The following PHACTR3 variants were observed in gnomAD, a reference collection of about 807,000 sequenced individuals.
The protein encoded by PHACTR3 is protein phosphatase 1, regulatory subunit 123.
A neutral mutation model predicts 66.8 loss-of-function variants in PHACTR3; 16 were observed. The ratio of observed to expected loss-of-function variants is 0.24; its 90% CI spans 0.16 to 0.36. PHACTR3 has a LOEUF of 0.36. Among genes scored for constraint, PHACTR3 ranks in the 10% least tolerant of loss-of-function variants. PHACTR3 has a pLI of 1.00. For missense variants in PHACTR3, 647 were observed against 719.9 expected (o/e 0.90, Z 1.16); for synonymous variants, 323 against 292.1 (o/e 1.11, Z -1.08).
chr20:59,585,393 G>T (rs1050438237), intron 1 of PHACTR3, among the ~76,000 whole-genome samples: 4 of 152,108 alleles, frequency 2.6e-5, no homozygotes, highest in Non-Finnish European at 5.9e-5. Flanking sequence ...GGCAGATTTC[G>T]ACCCAGGCAC....
chr20:59,626,045 G>A (rs372287561), intron 1 of PHACTR3, among the ~76,000 whole-genome samples: 2 of 152,180 alleles, frequency 1.3e-5, no homozygotes, highest in Admixed American at 6.5e-5. Context: ...TTTAGAGGGG[G>A]TCTGACCCAG....
chr20:59,707,324 T>G (rs1231848312), intron 1 of PHACTR3, among the ~76,000 whole-genome samples: 1 of 152,222 alleles, frequency 6.6e-6, no homozygotes, highest in East Asian at 1.9e-4. Flanking sequence ...CTAAATCTCC[T>G]GTTGATTTGT....
intron 1 of PHACTR3, among the ~76,000 whole-genome samples, chr20:59,691,870 G>A (rs1020909249): frequency 5.9e-5 from 9 of 152,192 alleles, no homozygotes; most frequent in South Asian, 2.1e-4. Context: ...AGATCCACTC[G>A]CCCCACCAAG....
At chr20:59,709,156 C>T (rs1334893169) in intron 1 of PHACTR3, among the ~76,000 whole-genome samples, 1 of 152,206 alleles carries the variant, frequency 6.6e-6, no homozygotes, top group Admixed American at 6.5e-5. Flanking sequence ...CTCTTTTATT[C>T]AATCTGGTGA....
intron 8 of PHACTR3, among the ~76,000 whole-genome samples, chr20:59,831,475 T>C (rs1330704971): frequency 6.6e-6 from 1 of 152,088 alleles, no homozygotes; most frequent in Non-Finnish European, 1.5e-5. Flanking sequence ...GCTTTCTCAG[T>C]GGGGAGAGTC....
In PHACTR3 at chr20:59,604,999, C is replaced by G; in HGVS notation, c.-16C>G. The G allele has an allele frequency of 4.6e-6, 6 of 1,304,274 alleles. No individual in the cohort carries two copies. Among genetic ancestry groups the G allele is most frequent in the Non-Finnish European group, 5.9e-6 (6 of 1,020,284 alleles). The allele number at this position is 1,304,274 out of a possible 1,614,324, so 80.8% of individuals were successfully genotyped here. A position where few individuals can be genotyped will look rare whatever the true frequency, so the allele number is the denominator to read the frequency against. ...CACGCGGCTCGCTCTAACTTGCCCC[C>G]GCGCCGGCCGGGCCCATGGCCGCGT... On this transcript the variant is annotated 5_prime_UTR_variant, in exon 1 of 13. Coordinates refer to ENST00000371015, the MANE Select transcript of PHACTR3 (RefSeq NM_080672.5).
intron 8 of PHACTR3, among the ~76,000 whole-genome samples, chr20:59,817,248 C>T (rs1435439865): frequency 6.6e-6 from 1 of 152,194 alleles, no homozygotes; most frequent in African/African-American, 2.4e-5. Context: ...GTGGCCATTG[C>T]CAATTTTGGA....
chr20:59,737,855 GTGAA>G (rs1161797862), intron 1 of PHACTR3, among the ~76,000 whole-genome samples: 2 of 152,058 alleles, frequency 1.3e-5, no homozygotes, highest in African/African-American at 4.8e-5. Flanking sequence ...GAGTGAGTGA[GTGAA>G]TTCTTAAAGG....
Position 59,774,468 on chromosome 20 carries a change from G to A in PHACTR3, c.1152G>A (p.Ala384=), listed in dbSNP as rs545549700. 3.7e-5 allele frequency: 59 copies of A among 1,613,812 alleles called. 1 individual carries two copies. Among genetic ancestry groups the A allele is most frequent in the South Asian group, 3.1e-4 (28 of 91,058 alleles). ...DDLLLYQDEE[A]LNDSIISGTL... Reference sequence around the variant, plus strand: ...TGCTTTTGTATCAGGACGAGGAGGCGCTGAACGACTCCATTATTTCTGGTG... The same window carrying A: ...TGCTTTTGTATCAGGACGAGGAGGCACTGAACGACTCCATTATTTCTGGTG... The change falls in exon 7 of 13, where the codon GCG becomes GCA. Residue 384 remains alanine (A), a synonymous_variant. Coordinates refer to ENST00000371015, the MANE Select transcript of PHACTR3 (RefSeq NM_080672.5).
intron 7 of PHACTR3, among the ~76,000 whole-genome samples, chr20:59,782,974 C>G (rs907818488): frequency 6.6e-6 from 1 of 152,188 alleles, no homozygotes; most frequent in Non-Finnish European, 1.5e-5. Context: ...CTCCGGGATC[C>G]TTTCCCCAGT....
chr20:59,642,799 T>C (rs1270937110), intron 1 of PHACTR3, among the ~76,000 whole-genome samples: 2 of 152,218 alleles, frequency 1.3e-5, no homozygotes, highest in Non-Finnish European at 2.9e-5. Context: ...AAACCCTTGG[T>C]GCATGACAGC....
chr20:59,708,108 T>C (rs551449801), intron 1 of PHACTR3, among the ~76,000 whole-genome samples: 2 of 152,204 alleles, frequency 1.3e-5, no homozygotes, highest in African/African-American at 4.8e-5. Flanking sequence ...CTGATTTGAT[T>C]GGCCAGGCCT....
chr20:59,799,664 C>T (rs1393058706), intron 7 of PHACTR3, among the ~76,000 whole-genome samples: 1 of 152,024 alleles, frequency 6.6e-6, no homozygotes, highest in Non-Finnish European at 1.5e-5. Flanking sequence ...CTATTTGTAA[C>T]TTTATATATA....
At chr20:59,613,835 A>ATGG (rs2033937795) in intron 1 of PHACTR3, among the ~76,000 whole-genome samples, 1 of 152,240 alleles carries the variant, frequency 6.6e-6, no homozygotes, top group Non-Finnish European at 1.5e-5. Flanking sequence ...TCCAAGCCTA[A>ATGG]ACATTATGTC....
intron 1 of PHACTR3, among the ~76,000 whole-genome samples, chr20:59,660,581 A>T (rs1358251477): frequency 6.6e-6 from 1 of 152,252 alleles, no homozygotes; most frequent in Non-Finnish European, 1.5e-5. Context: ...ATTTCATTAA[A>T]GTATCAGCAA....
At chr20:59,642,300 T>C (rs1268039781) in intron 1 of PHACTR3, among the ~76,000 whole-genome samples, 1 of 135,896 alleles carries the variant, frequency 7.4e-6, no homozygotes, top group Admixed American at 7.7e-5. Context: ...TCTGTTCACT[T>C]TTATTTCTTT....
Position 59,674,066 on chromosome 20 carries a change from G to C in PHACTR3, c.118+68934G>C, listed in dbSNP as rs576043002. Among the ~76,000 whole-genome samples, 47 of 152,130 alleles carry C rather than the reference G, an allele frequency of 3.1e-4. No individual in the cohort carries two copies. The South Asian group carries it at 9.7e-3, about 32-fold the overall frequency. On this transcript the variant is annotated intron_variant, in intron 1 of 12. Transcript: ENST00000371015. Reference sequence around the variant, plus strand: ...AATTCAGCTGAGATTTCGGTTTTTTGTGCTCTGTACCCTGACAAGGGGCAG... The same window carrying C: ...AATTCAGCTGAGATTTCGGTTTTTTCTGCTCTGTACCCTGACAAGGGGCAG...
At chr20:59,715,626 C>G (rs1383119524) in intron 1 of PHACTR3, among the ~76,000 whole-genome samples, 1 of 152,144 alleles carries the variant, frequency 6.6e-6, no homozygotes, top group African/African-American at 2.4e-5. Context: ...GAAGGTTATG[C>G]TGGCCTCTTA....
At chr20:59,615,424 G>A (rs2033993792) in intron 1 of PHACTR3, among the ~76,000 whole-genome samples, 1 of 152,212 alleles carries the variant, frequency 6.6e-6, no homozygotes, top group South Asian at 2.1e-4. Context: ...GTGCATCCGG[G>A]AAGCTCATGG....
Sources: allele counts gnomAD v4.1 joint callset (sites outside exome capture counted in the v4.1 genomes callset), GRCh38; gene constraint gnomAD v4.1.1; transcripts MANE v1.5; gene names NCBI Gene and HGNC (gene_info 2026-07-23, HGNC 2026-07-21).